PCDHGA7: variants seen among roughly 807,000 people sequenced by gnomAD.
PCDHGA7 encodes protocadherin gamma subfamily A, 7.
Under a neutral mutation model 58.3 loss-of-function variants are expected in PCDHGA7, and 44 were observed. The ratio of observed to expected loss-of-function variants is 0.75; its 90% CI spans 0.59 to 0.97. PCDHGA7 has a LOEUF of 0.97. PCDHGA7 is among the 50% of genes least tolerant of loss of function. The pLI is 0.00. For synonymous variants in PCDHGA7, 516 were observed against 504.2 expected, an observed-to-expected ratio of 1.02 and a Z score of -0.31; for missense variants, 1,266 against 1,188.7, an observed-to-expected ratio of 1.06 and a Z score of -0.96.
chr5:141,423,170 A>T (rs755141371), intron 1 of PCDHGA7: 1 of 1,613,504 alleles, frequency 6.2e-7, no homozygotes, highest in South Asian at 1.1e-5. Flanking sequence ...GTGGCCGTCC[A>T]GGACCACGGC....
At chr5:141,494,195 C>T in intron 1 of PCDHGA7, among the ~76,000 whole-genome samples, 1 of 152,188 alleles carries the variant, frequency 6.6e-6, no homozygotes, top group Non-Finnish European at 1.5e-5. Flanking sequence ...GACTTGGATG[C>T]CCCGCAAAGG....
chr5:141,448,788 A>C (rs865953914), intron 1 of PCDHGA7, among the ~76,000 whole-genome samples: 3 of 151,964 alleles, frequency 2.0e-5, no homozygotes, highest in South Asian at 2.1e-4. Flanking sequence ...AAAATACAAA[A>C]AAAAAAATTA....
chr5:141,421,787 C>T (rs753196648), intron 1 of PCDHGA7: 8 of 1,613,694 alleles, frequency 5.0e-6, no homozygotes, highest in East Asian at 2.2e-5. Context: ...CGGGGCAGAA[C>T]GGATGGGGCC....
In PCDHGA7 at chr5:141,441,656, CT is replaced by C. The variant is rs200391207; in HGVS notation, c.2425-53149del. 8.0e-3 allele frequency: 1,976 copies of C among 247,682 alleles called. 54 individuals carry two copies. The highest frequency in any genetic ancestry group is 0.043 in the African/African-American group (1,846 of 42,486). The allele number at this position is 247,682 out of a possible 1,614,324, so 15.3% of individuals were successfully genotyped here. A position where few individuals can be genotyped will look rare whatever the true frequency, so the allele number is the denominator to read the frequency against. On this transcript the variant is annotated intron_variant, in intron 1 of 3. Coordinates refer to ENST00000518325, the MANE Select transcript of PCDHGA7 (RefSeq NM_018920.4). ...CACAGGCGCTGTGATTCTAGGTGTC[CT>C]TGAGCGCACAGTGCGCCTTCGACCA...
intron 1 of PCDHGA7, among the ~76,000 whole-genome samples, chr5:141,482,755 T>TGAAGTGGGAGAATTGCTTGAGCCTGGG (rs1554165462): frequency 6.3e-5 from 9 of 143,570 alleles, no homozygotes; most frequent in African/African-American, 1.4e-4. Context: ...GGGATTATGG[T>TGAAGTGGGAGAATTGCTTGAGCCTGGG]ATTTCATTAT....
intron 1 of PCDHGA7, among the ~76,000 whole-genome samples, chr5:141,468,952 G>GT (rs34870721): frequency 0.24 from 35,946 of 151,248 alleles, 4,442 homozygotes; most frequent in Admixed American, 0.32. Flanking sequence ...TAAACCTGTG[G>GT]TTTTTTTTAC....
chr5:141,509,602 C>T (rs921950654), intron 3 of PCDHGA7, among the ~76,000 whole-genome samples: 8 of 152,194 alleles, frequency 5.3e-5, no homozygotes, highest in Non-Finnish European at 8.8e-5. Context: ...TTCCGAGAGG[C>T]TGCATTCTAA....
At chr5:141,465,779 G>GTT (rs879859429) in intron 1 of PCDHGA7, among the ~76,000 whole-genome samples, 3 of 145,118 alleles carry the variant, frequency 2.1e-5, no homozygotes, top group Non-Finnish European at 3.0e-5. Context: ...TCTTGTTACA[G>GTT]TTTTTTTTTT....
chr5:141,453,869 G>A (rs887544235), intron 1 of PCDHGA7, among the ~76,000 whole-genome samples: 9 of 152,144 alleles, frequency 5.9e-5, no homozygotes, highest in Non-Finnish European at 1.2e-4. Context: ...TAACAGATGA[G>A]CAAAATAATG....
chr5:141,387,347 T>C (rs1213698437), intron 1 of PCDHGA7, among the ~76,000 whole-genome samples: 1 of 152,152 alleles, frequency 6.6e-6, no homozygotes. Flanking sequence ...TCTGAGACGG[T>C]TTAGGCCAAG....
In PCDHGA7 at chr5:141,418,596, T is replaced by C; in HGVS notation, c.2424+33273T>C. On this transcript the variant is annotated intron_variant, in intron 1 of 3. Coordinates refer to ENST00000518325, the MANE Select transcript of PCDHGA7 (RefSeq NM_018920.4). Reference sequence around the variant, plus strand: ...AACCCCCCAGTGTTCAGCCAGGACGTGTACAGGGTTAGCCTTCGGGAAGAC... The same window carrying C: ...AACCCCCCAGTGTTCAGCCAGGACGCGTACAGGGTTAGCCTTCGGGAAGAC... 8.7e-6 allele frequency: 14 copies of C among 1,614,046 alleles called. No individual in the cohort carries two copies. The highest frequency in any genetic ancestry group is 1.1e-5 in the Non-Finnish European group (13 of 1,179,906).
intron 1 of PCDHGA7, among the ~76,000 whole-genome samples, chr5:141,401,533 C>T (rs998579261): frequency 5.9e-5 from 9 of 151,790 alleles, no homozygotes; most frequent in South Asian, 2.1e-4. Context: ...AAGAAACTTA[C>T]AAAAAAAAGG....
chr5:141,393,263 A>C, intron 1 of PCDHGA7: 1 of 1,613,926 alleles, frequency 6.2e-7, no homozygotes, highest in Non-Finnish European at 8.5e-7. Flanking sequence ...TTCCTGGAGC[A>C]CGTTATCCAC....
intron 2 of PCDHGA7, among the ~76,000 whole-genome samples, chr5:141,504,128 G>A (rs914138294): frequency 2.6e-5 from 4 of 151,992 alleles, no homozygotes; most frequent in African/African-American, 9.7e-5. Context: ...GCTGTTTCCC[G>A]CCAACACTCC....
At chr5:141,399,653 TG>T in intron 1 of PCDHGA7, 1 of 1,613,606 alleles carries the variant, frequency 6.2e-7, no homozygotes, top group Non-Finnish European at 8.5e-7. Flanking sequence ...CAAAGTGGGG[TG>T]GTGTTCGCGC....
chr5:141,439,709 A>G (rs2098127560), intron 1 of PCDHGA7: 1 of 152,540 alleles, frequency 6.6e-6, no homozygotes, highest in African/African-American at 2.4e-5. Context: ...TATGGCTCCT[A>G]GTTCTACAAA....
Position 141,510,977 on chromosome 5 carries a change from G to T in PCDHGA7, c.2603G>T (p.Gly868Val). 1.2e-6 allele frequency: 2 copies of T among 1,614,170 alleles called. No individual in the cohort carries two copies. Among genetic ancestry groups the T allele is most frequent in the Non-Finnish European group, 1.7e-6 (2 of 1,180,020 alleles). The change falls in exon 4 of 4, where the codon GGG becomes GTG. Residue 868 changes from glycine to valine, a missense_variant. Physicochemically the swap from Gly to Val is moderately radical, Grantham distance 109. Transcript: ENST00000518325. ...GCTGATGGGAGCTCCACCCTGGGAG[G>T]GGGTGCCGGCACCATGGGATTGAGC... ...EAADGSSTLG[G>V]GAGTMGLSAR...
rs1479003983 is a variant in PCDHGA7, at chr5:141,485,352, C to T, written c.2425-9455C>T. On this transcript the variant is annotated intron_variant, in intron 1 of 3. Coordinates refer to ENST00000518325, the MANE Select transcript of PCDHGA7 (RefSeq NM_018920.4). This position sits in a 1 kb window ranked among gnomAD's most constrained non-coding sequence, Gnocchi z 5.7. ...TTCCTGCTGGATACGGACAGTCTGT[C>T]AGCTCGCAGGCTGCAGGTCGCTGGA... 1 of 1,614,136 alleles carries T rather than the reference C, an allele frequency of 6.2e-7. No homozygotes were observed. The highest frequency in any genetic ancestry group is 8.5e-7 in the Non-Finnish European group (1 of 1,180,012).
chr5:141,433,408 A>T lies in PCDHGA7; in HGVS notation c.2424+48085A>T, dbSNP rs1052180455. On this transcript the variant is annotated intron_variant, in intron 1 of 3. Coordinates refer to ENST00000518325, the MANE Select transcript of PCDHGA7 (RefSeq NM_018920.4). Reference sequence around the variant, plus strand: ...CTATCTATCTATCTATCTATCTATTACTTTCTTGTACAGACAGGAGTCTCA... The same window carrying T: ...CTATCTATCTATCTATCTATCTATTTCTTTCTTGTACAGACAGGAGTCTCA... 4.2e-3 allele frequency among the ~76,000 whole-genome samples: 537 copies of T among 127,344 alleles called. 4 individuals carry two copies. The highest frequency in any genetic ancestry group is 0.015 in the African/African-American group (523 of 34,010). 83.5% of individuals were successfully genotyped at this position (127,344 alleles called of 152,430 possible). A position where few individuals can be genotyped will look rare whatever the true frequency, so the allele number is the denominator to read the frequency against.
Sources: allele counts gnomAD v4.1 joint callset (sites outside exome capture counted in the v4.1 genomes callset), GRCh38; gene constraint gnomAD v4.1.1; non-coding constraint Gnocchi (gnomAD v3.1); transcripts MANE v1.5; gene names NCBI Gene and HGNC (gene_info 2026-07-23, HGNC 2026-07-21).